The following DHRSX variants were observed in gnomAD, a reference collection of about 807,000 sequenced individuals.
The protein encoded by DHRSX is polyprenol dehydrogenase.
DHRSX carries 31 observed loss-of-function variants against 34.0 expected under a neutral mutation model. The ratio of observed to expected loss-of-function variants is 0.91; its 90% CI spans 0.69 to 1.23. The LOEUF (loss-of-function observed/expected upper bound fraction) is 1.23, where lower values mean the gene tolerates loss of function less well. Ranked by LOEUF, DHRSX falls within the 50% of genes most tolerant of loss-of-function variation. DHRSX has a pLI of 0.00. For synonymous variants in DHRSX, 201 were observed against 183.8 expected (o/e 1.09, Z -0.76); for missense variants, 414 against 428.1 (o/e 0.97, Z 0.29).
At chrX:2,255,708 C>T (rs771680615) in intron 5 of DHRSX, among the ~76,000 whole-genome samples, 4 of 151,642 alleles carry the variant, frequency 2.6e-5, no homozygotes, top group African/African-American at 9.7e-5. Context: ...GTCAGGAGTT[C>T]GAGACCAGCC....
chrX:2,301,636 A>T (rs950837730), intron 3 of DHRSX, among the ~76,000 whole-genome samples: 1 of 151,802 alleles, frequency 6.6e-6, no homozygotes, highest in African/African-American at 2.4e-5. Context: ...CTTTTCACCT[A>T]GTTCTTTGTT....
rs1479274592 is a variant in DHRSX, at chrX:2,304,128, GATGGATGGATGA to G, written c.287-12537_287-12526del. Among the ~76,000 whole-genome samples the G allele has an allele frequency of 3.2e-5, 4 of 125,770 alleles. 1 individual carries two copies. Among genetic ancestry groups the G allele is most frequent in the African/African-American group, 8.0e-5 (3 of 37,358 alleles). The allele number at this position is 125,770 out of a possible 152,430, so 82.5% of individuals were successfully genotyped here. On this transcript the variant is annotated intron_variant, in intron 3 of 6. Coordinates refer to ENST00000334651, the MANE Select transcript of DHRSX (RefSeq NM_145177.3). The stretch of plus-strand genomic sequence containing the variant: ...GGATAGATGGATGGATGGATAAATG[GATGGATGGATGA>G]ATGGATGGATGGATGGATGGATGGA...
At chrX:2,472,205 T>C (rs1273485637) in intron 1 of DHRSX, among the ~76,000 whole-genome samples, 1 of 151,174 alleles carries the variant, frequency 6.6e-6, no homozygotes, top group Non-Finnish European at 1.5e-5. Flanking sequence ...TGGAGGCCAT[T>C]ATCCTTAGCA....
intron 1 of DHRSX, among the ~76,000 whole-genome samples, chrX:2,493,983 G>C (rs1198485855): frequency 7.3e-6 from 1 of 136,726 alleles, no homozygotes; most frequent in Non-Finnish European, 1.6e-5. Context: ...AAAGAAAGAA[G>C]AAAACAAAAA....
chrX:2,371,669 C>T (rs761943590), intron 3 of DHRSX, among the ~76,000 whole-genome samples: 9 of 76,426 alleles, frequency 1.2e-4, no homozygotes, highest in African/African-American at 2.9e-4. Context: ...TTACCATAGT[C>T]CCTCCTCCTC....
intron 3 of DHRSX, chrX:2,336,466 G>A (rs755282516): frequency 6.6e-6 from 1 of 152,314 alleles, no homozygotes; most frequent in Non-Finnish European, 1.5e-5. Flanking sequence ...AACAGGTTGT[G>A]TTGCCAGCAA....
intron 3 of DHRSX, among the ~76,000 whole-genome samples, chrX:2,335,757 T>C (rs2042551706): frequency 6.6e-6 from 1 of 150,690 alleles, no homozygotes; most frequent in South Asian, 2.1e-4. Context: ...TGGCCAGGAG[T>C]AACTTTGAAT....
chrX:2,285,296 A>G (rs947151133), intron 4 of DHRSX, among the ~76,000 whole-genome samples: 1 of 152,172 alleles, frequency 6.6e-6, no homozygotes, highest in African/African-American at 2.4e-5. Flanking sequence ...AGACAGTCCC[A>G]TCTGGGGGTG....
At position 2,291,055 on chromosome X, in the gene DHRSX, T is replaced by C. The variant is rs114676145; in HGVS notation, c.388+447A>G. Among the ~76,000 whole-genome samples, 1,061 of 152,168 alleles carry C rather than the reference T, an allele frequency of 7.0e-3. 7 individuals are homozygous for C. Among genetic ancestry groups the C allele is most frequent in the African/African-American group, 0.024 (1,012 of 41,488 alleles). On this transcript the variant is annotated intron_variant, in intron 4 of 6. Transcript: ENST00000334651. ...GTTGAAGATTGGCAGATGGGCAGAT[T>C]GAAGGTGGGGAAGGGGAGATATTGA...
In DHRSX at chrX:2,376,487, C is replaced by T. The variant is rs925379402; in HGVS notation, c.286+32258G>A. The stretch of plus-strand genomic sequence containing the variant: ...TCTAACATCCACTCTGATTCTGCCC[C>T]TAGCCTTGGGTGACGTGGGTTTAAC... On this transcript the variant is annotated intron_variant, in intron 3 of 6. Transcript: ENST00000334651. 2.2e-5 allele frequency among the ~76,000 whole-genome samples: 3 copies of T among 137,382 alleles called. 1 individual carries two copies. Among genetic ancestry groups the T allele is most frequent in the Non-Finnish European group, 5.2e-5 (3 of 58,190 alleles). 90.1% of individuals were successfully genotyped at this position (137,382 alleles called of 152,430 possible).
In DHRSX at chrX:2,382,840, CCAT is replaced by C. The variant is rs763542059; in HGVS notation, c.286+25902_286+25904del. On this transcript the variant is annotated intron_variant, in intron 3 of 6. Coordinates refer to ENST00000334651, the MANE Select transcript of DHRSX (RefSeq NM_145177.3). ...ACCACCATCATCACCATCATCATCG[CCAT>C]CATCATTATCACCATCATCATCACT... is the stretch of plus-strand genomic sequence containing the variant. 9.3e-5 allele frequency among the ~76,000 whole-genome samples: 9 copies of C among 97,140 alleles called. No homozygotes were observed. The South Asian group carries it at 2.2e-3, about 24-fold the overall frequency. The allele number at this position is 97,140 out of a possible 152,430, so 63.7% of individuals were successfully genotyped here.
chrX:2,238,836 T>C (rs71207525), intron 6 of DHRSX, among the ~76,000 whole-genome samples: 8,263 of 151,902 alleles, frequency 0.054, 593 homozygotes, highest in African/African-American at 0.16. Context: ...CCACTCACCT[T>C]GGCCTCCCAA....
At chrX:2,448,376 A>G (rs188810013) in intron 1 of DHRSX, among the ~76,000 whole-genome samples, 44,037 of 140,838 alleles carry the variant, frequency 0.31, 6,788 homozygotes, top group South Asian at 0.45. Flanking sequence ...CAGTTACATA[A>G]AAGAAATAAA....
intron 1 of DHRSX, among the ~76,000 whole-genome samples, chrX:2,493,250 G>A (rs752038062): frequency 1.8e-4 from 27 of 152,262 alleles, no homozygotes; most frequent in African/African-American, 6.0e-4. Context: ...AACGGAGGGG[G>A]AAAAGAATCT....
intron 3 of DHRSX, among the ~76,000 whole-genome samples, chrX:2,359,005 A>G (rs2042893495): frequency 1.3e-5 from 2 of 152,046 alleles, no homozygotes; most frequent in Admixed American, 6.6e-5. Flanking sequence ...AAAAACATTC[A>G]ACATCACTGC....
At chrX:2,436,354 G>C (rs1215473311) in intron 1 of DHRSX, among the ~76,000 whole-genome samples, 1 of 151,786 alleles carries the variant, frequency 6.6e-6, no homozygotes, top group African/African-American at 2.4e-5. Flanking sequence ...TTTGTCTACT[G>C]TCATGAGCTT....
rs190929364 is a variant in DHRSX at position 2,321,556 on chromosome X, C to T, written c.287-29953G>A. 3.8e-3 allele frequency among the ~76,000 whole-genome samples: 584 copies of T among 151,844 alleles called. 5 individuals are homozygous for T. Among genetic ancestry groups the T allele is most frequent in the African/African-American group, 0.013 (556 of 41,196 alleles). On this transcript the variant is annotated intron_variant, in intron 3 of 6. Coordinates refer to ENST00000334651, the MANE Select transcript of DHRSX (RefSeq NM_145177.3). ...GCCCTTGTAAGAAGAGACACCAGGGCACACATGCTCCCTCGTGCTCCACCC... is the reference window on the plus strand; with the variant it reads ...GCCCTTGTAAGAAGAGACACCAGGGTACACATGCTCCCTCGTGCTCCACCC...
chrX:2,330,962 A>G (rs937738411), intron 3 of DHRSX, among the ~76,000 whole-genome samples: 2 of 152,184 alleles, frequency 1.3e-5, no homozygotes, highest in African/African-American at 2.4e-5. Context: ...AAGACTTATC[A>G]CACGTCCAAG....
At position 2,305,456 on chromosome X, in the gene DHRSX, G is replaced by A. The variant is rs186382180; in HGVS notation, c.287-13853C>T. 5.6e-3 allele frequency among the ~76,000 whole-genome samples: 849 copies of A among 152,226 alleles called. 27 individuals are homozygous for A. Among genetic ancestry groups the A allele is most frequent in the Admixed American group, 0.051 (774 of 15,278 alleles). ...GCGATTCCTCAAGGATCTAGAACCA[G>A]AAATACCATTTGACCCAGCAATCCC... On this transcript the variant is annotated intron_variant, in intron 3 of 6. Coordinates refer to ENST00000334651, the MANE Select transcript of DHRSX (RefSeq NM_145177.3).
Sources: gnomAD v4.1 joint callset for allele counts (sites outside exome capture counted in the v4.1 genomes callset) on GRCh38, gnomAD v4.1.1 for gene constraint, MANE v1.5 for transcripts, NCBI Gene and HGNC (gene_info 2026-07-23, HGNC 2026-07-21) for gene names.